RSRP1: variants seen among roughly 807,000 people sequenced by gnomAD.
RSRP1 encodes arginine/serine-rich protein 1.
RSRP1 carries 37 observed loss-of-function variants against 33.0 expected under a neutral mutation model. That is an observed-to-expected ratio of 1.12 (90% CI 0.86 to 1.48). The LOEUF (loss-of-function observed/expected upper bound fraction) is 1.48. Among genes scored for constraint, RSRP1 ranks in the 40% most tolerant of loss-of-function variants. The pLI, the probability that RSRP1 is intolerant of heterozygous loss-of-function variation, is 0.00. For missense variants in RSRP1, 402 were observed against 385.3 expected, an observed-to-expected ratio of 1.04 and a Z score of -0.36; for synonymous variants, 167 against 158.7, an observed-to-expected ratio of 1.05 and a Z score of -0.40.
In RSRP1 at chr1:25,247,114, G is replaced by A. The variant is rs748342355; in HGVS notation, c.-66-85C>T. ...GAAGCCACAGTCGGGGAACCTCCGG[G>A]AGGCGGAGCCACGGCGCGGGCGGCG... On this transcript the variant is annotated intron_variant, in intron 1 of 4. Transcript: ENST00000243189. The A allele has an allele frequency of 1.9e-3, 1,667 of 861,740 alleles. 3 individuals carry two copies. The highest frequency in any genetic ancestry group is 2.6e-3 in the Non-Finnish European group (1,556 of 606,140). 53.4% of individuals were successfully genotyped at this position (861,740 alleles called of 1,614,324 possible).
chr1:25,246,705 G>T lies in RSRP1; in HGVS notation c.259C>A (p.Arg87=), dbSNP rs1202571976. ...YSRSYSRSRS[R]SRSRRYRERR... ...TCTCGGTAACGGCGGCTGCGGGATCGCGACCGGCTCCGCGAGTATGACCGC... is the reference window on the plus strand; with the variant it reads ...TCTCGGTAACGGCGGCTGCGGGATCTCGACCGGCTCCGCGAGTATGACCGC... Residue 87 remains arginine, a synonymous_variant, in exon 2 of 5, where the codon CGA becomes AGA. Transcript: ENST00000243189. The T allele has an allele frequency of 2.5e-6, 4 of 1,607,562 alleles. 1 individual carries two copies. In the African/African-American group the frequency reaches 4.0e-5, roughly 16 times the overall value.
At chr1:25,283,234 T>C (rs1270079333) in intron 1 of RSRP1, among the ~76,000 whole-genome samples, 2 of 131,964 alleles carry the variant, frequency 1.5e-5, no homozygotes, top group Admixed American at 1.5e-4. Flanking sequence ...TATCTAGGTG[T>C]AAATCTTGGC....
At chr1:25,275,600 A>T (rs1161151168) in intron 1 of RSRP1, among the ~76,000 whole-genome samples, 1 of 133,002 alleles carries the variant, frequency 7.5e-6, no homozygotes, top group African/African-American at 2.6e-5. Context: ...GTATTACTTT[A>T]AGTATTACTA....
chr1:25,295,524 G>A (rs1280813074), intron 1 of RSRP1, among the ~76,000 whole-genome samples: 4 of 101,724 alleles, frequency 3.9e-5, no homozygotes, highest in African/African-American at 6.7e-5. Flanking sequence ...TATCAGGTGC[G>A]ATGCTTGAAA....
chr1:25,336,813 G>C (rs965082466), intron 1 of RSRP1, among the ~76,000 whole-genome samples: 2 of 150,450 alleles, frequency 1.3e-5, no homozygotes, highest in Non-Finnish European at 2.9e-5. Context: ...TAAACCTCCT[G>C]AGTGGTAAGA....
rs184689268 is a variant in RSRP1 at position 25,277,419 on chromosome 1, T to C, written c.-66-30390A>G. On this transcript the variant is annotated intron_variant, in intron 1 of 1. Coordinates refer to the RSRP1 transcript ENST00000561867. The stretch of plus-strand genomic sequence containing the variant: ...TCAGGCCCTAGGCCAGACCTACTGA[T>C]CAGAAGCTCTGGGCCTGGGGCCCAG... Among the ~76,000 whole-genome samples, 96 of 133,340 alleles carry C rather than the reference T, an allele frequency of 7.2e-4. 4 individuals carry two copies. In the East Asian group the frequency reaches 0.016, roughly 22 times the overall value. The allele number at this position is 133,340 out of a possible 152,430, so 87.5% of individuals were successfully genotyped here. A position where few individuals can be genotyped will look rare whatever the true frequency, so the allele number is the denominator to read the frequency against.
chr1:25,290,528 G>A, intron 1 of RSRP1: 3 of 960,332 alleles, frequency 3.1e-6, no homozygotes, highest in Non-Finnish European at 4.9e-6. Context: ...CCCACAGAAA[G>A]TAGGTGCCCA....
At chr1:25,249,167 T>C (rs1246110167), upstream of RSRP1, among the ~76,000 whole-genome samples, 3 of 152,002 alleles carry the variant, frequency 2.0e-5, no homozygotes, top group Non-Finnish European at 4.4e-5. Flanking sequence ...ATAATAATAA[T>C]AACAACACGA....
intron 1 of RSRP1, among the ~76,000 whole-genome samples, chr1:25,316,017 T>C (rs564140253): frequency 3.1e-5 from 4 of 131,108 alleles, no homozygotes; most frequent in African/African-American, 1.0e-4. Flanking sequence ...TGCCCACCTG[T>C]TGAGACAAGA....
intron 1 of RSRP1, among the ~76,000 whole-genome samples, chr1:25,320,700 A>C (rs1482818617): frequency 7.6e-6 from 1 of 132,124 alleles, no homozygotes; most frequent in Admixed American, 7.4e-5. Flanking sequence ...ATCCAACTTC[A>C]GGAAGCTGGA....
chr1:25,260,150 C>A (rs901185003), intron 1 of RSRP1, among the ~76,000 whole-genome samples: 4 of 152,152 alleles, frequency 2.6e-5, no homozygotes, highest in Non-Finnish European at 4.4e-5. Flanking sequence ...ACATAAACAC[C>A]ATTTAGTCAC....
chr1:25,315,207 T>C (rs1454165567), intron 1 of RSRP1, among the ~76,000 whole-genome samples: 2 of 130,382 alleles, frequency 1.5e-5, no homozygotes, highest in East Asian at 3.9e-4. Context: ...ATTTTTTTCC[T>C]AAAAATCACT....
chr1:25,281,284 C>T (rs1641470602), intron 1 of RSRP1, among the ~76,000 whole-genome samples: 1 of 128,838 alleles, frequency 7.8e-6, no homozygotes, highest in African/African-American at 2.8e-5. Flanking sequence ...ATAAACTTTT[C>T]CTGAAGGTCT....
chr1:25,243,323 G>A (rs989771895), intron 4 of RSRP1, among the ~76,000 whole-genome samples: 5 of 151,996 alleles, frequency 3.3e-5, no homozygotes, highest in Non-Finnish European at 5.9e-5. Context: ...AAAAAAGGGG[G>A]GACACTTAAA....
In RSRP1 at chr1:25,274,256, C is replaced by A. The variant is rs604183; in HGVS notation, c.-66-27227G>T. Among the ~76,000 whole-genome samples, 238 of 132,092 alleles carry A rather than the reference C, an allele frequency of 1.8e-3. 48 individuals carry two copies. In the Middle Eastern group the frequency reaches 0.02, roughly 11 times the overall value. 86.7% of individuals were successfully genotyped at this position (132,092 alleles called of 152,430 possible). A position where few individuals can be genotyped will look rare whatever the true frequency, so the allele number is the denominator to read the frequency against. ...ATATGGATGTTGAGTAATTTGCCCA[C>A]GGTCGCTCAGCTAGCAATAGCACAG... On this transcript the variant is annotated intron_variant, in intron 1 of 1. Transcript: ENST00000561867.
In RSRP1 at chr1:25,278,989, G is replaced by C. The variant is rs533015061; in HGVS notation, c.-66-31960C>G. Among the ~76,000 whole-genome samples, 115 of 129,168 alleles carry C rather than the reference G, an allele frequency of 8.9e-4. 10 individuals carry two copies. Among genetic ancestry groups the C allele is most frequent in the East Asian group, 5.7e-3 (29 of 5,090 alleles). The allele number at this position is 129,168 out of a possible 152,430, so 84.7% of individuals were successfully genotyped here. A position where few individuals can be genotyped will look rare whatever the true frequency, so the allele number is the denominator to read the frequency against. ...AGAGCCTGGGAGAGTGAAGCTGGGTGTGACTTCAGAGCTGTTGGTGCTGAA... is the reference window on the plus strand; with the variant it reads ...AGAGCCTGGGAGAGTGAAGCTGGGTCTGACTTCAGAGCTGTTGGTGCTGAA... On this transcript the variant is annotated intron_variant, in intron 1 of 1. Transcript: ENST00000561867.
At chr1:25,252,376 AG>A (rs1639814880), upstream of RSRP1, among the ~76,000 whole-genome samples, 2 of 152,066 alleles carry the variant, frequency 1.3e-5, no homozygotes, top group South Asian at 2.1e-4. Context: ...AATAGCAGTG[AG>A]GAAAAAAAAA....
Position 25,329,216 on chromosome 1 carries a change from G to A in RSRP1, c.-67+8762C>T. Reference sequence around the variant, plus strand: ...GATGGTGGTCATCCAGTAAGCTAAGGTTAATTTATTATTATTCCTTGTTTT... The same window carrying A: ...GATGGTGGTCATCCAGTAAGCTAAGATTAATTTATTATTATTCCTTGTTTT... On this transcript the variant is annotated intron_variant, in intron 1 of 1. Coordinates refer to the RSRP1 transcript ENST00000561867. 27 of 446,648 alleles carry A rather than the reference G, an allele frequency of 6.0e-5. 4 individuals carry two copies. Among genetic ancestry groups the A allele is most frequent in the South Asian group, 5.6e-4 (26 of 46,174 alleles). 27.7% of individuals were successfully genotyped at this position (446,648 alleles called of 1,614,324 possible).
intron 1 of RSRP1, among the ~76,000 whole-genome samples, chr1:25,263,149 G>T (rs924682140): frequency 2.6e-5 from 4 of 152,090 alleles, no homozygotes; most frequent in Admixed American, 6.6e-5. Context: ...CTTCCAGGTA[G>T]AGAAGACAAG....
Sources: allele counts gnomAD v4.1 joint callset (sites outside exome capture counted in the v4.1 genomes callset), GRCh38; gene constraint gnomAD v4.1.1; transcripts MANE v1.5; gene names NCBI Gene and HGNC (gene_info 2026-07-23, HGNC 2026-07-21).